The following DCHS2 variants were observed in gnomAD, a reference collection of about 807,000 sequenced individuals.
DCHS2 encodes the protein protocadherin-23.
In DCHS2, 142 loss-of-function variants were observed where a neutral mutation model predicts 182.4. The ratio of observed to expected loss-of-function variants is 0.78; its 90% confidence interval spans 0.68 to 0.89. The LOEUF (loss-of-function observed/expected upper bound fraction) is 0.89. Among genes scored for constraint, DCHS2 ranks in the 40% least tolerant of loss-of-function variants. DCHS2 has a pLI of 0.00. For synonymous variants in DCHS2, 1,740 were observed against 1,663.3 expected (o/e 1.05, Z -1.12); for missense variants, 4,319 against 4,198.6 (o/e 1.03, Z -0.79).
intron 12 of DCHS2, among the ~76,000 whole-genome samples, chr4:154,302,964 C>CAT (rs1204952939): frequency 1.4e-4 from 6 of 43,890 alleles, no homozygotes; most frequent in Non-Finnish European, 2.2e-4. Context: ...CACACACACA[C>CAT]ACACCCACAC....
At chr4:154,378,755 A>T (rs1374045265) in intron 1 of DCHS2, among the ~76,000 whole-genome samples, 1 of 152,186 alleles carries the variant, frequency 6.6e-6, no homozygotes, top group African/African-American at 2.4e-5. Context: ...TACAATTGGC[A>T]GCAGAGGGCA....
At chr4:154,391,331 A>T (rs1215803305) in intron 1 of DCHS2, 2 of 1,556,690 alleles carry the variant, frequency 1.3e-6, no homozygotes, top group Admixed American at 3.9e-5. Context: ...GGGTAGCTTC[A>T]ACTTCATGTC....
At chr4:154,488,263 A>G (rs1728659607) in intron 1 of DCHS2, among the ~76,000 whole-genome samples, 1 of 152,178 alleles carries the variant, frequency 6.6e-6, no homozygotes, top group African/African-American at 2.4e-5. Flanking sequence ...CCATTCTGAT[A>G]GTGAAGGAGA....
At chr4:154,273,110 G>T (rs934296120) in intron 13 of DCHS2, among the ~76,000 whole-genome samples, 4 of 152,056 alleles carry the variant, frequency 2.6e-5, no homozygotes, top group African/African-American at 9.7e-5. Context: ...CTACCCAGAG[G>T]AAAAGAAGTC....
At chr4:154,355,761 A>G (rs1729831754) in intron 3 of DCHS2, 1 of 152,104 alleles carries the variant, frequency 6.6e-6, no homozygotes, top group Non-Finnish European at 1.5e-5. Context: ...CTGTTACTTA[A>G]TAATGTCATA....
intron 3 of DCHS2, among the ~76,000 whole-genome samples, chr4:154,360,065 TTTGA>T (rs1730046444): frequency 6.6e-6 from 1 of 152,090 alleles, no homozygotes; most frequent in Non-Finnish European, 1.5e-5. Flanking sequence ...CTACTGTGTC[TTTGA>T]GTAAGTCACT....
In DCHS2 at chr4:154,340,475, T is replaced by A. The variant is rs192415127; in HGVS notation, c.2477-5371A>T. Among the ~76,000 whole-genome samples the A allele has an allele frequency of 3.6e-3, 555 of 152,342 alleles. 2 individuals carry two copies. The highest frequency in any genetic ancestry group is 5.8e-3 in the Non-Finnish European group (396 of 68,030). ...TGGTACTGAAAAATATTCTCTCTGA[T>A]AGAACTATTTGGTGTCTAATTATAG... On this transcript the variant is annotated intron_variant, in intron 3 of 19. Transcript: ENST00000357232.
chr4:154,254,718 A>T (rs2404891), intron 16 of DCHS2, among the ~76,000 whole-genome samples: 73,289 of 151,860 alleles, frequency 0.48, 19,153 homozygotes, highest in African/African-American at 0.69. Flanking sequence ...GTGGCTGTAA[A>T]CCCAGCCACT....
intron 1 of DCHS2, among the ~76,000 whole-genome samples, chr4:154,442,054 T>G (rs2110957670): frequency 1.3e-5 from 2 of 152,252 alleles, no homozygotes; most frequent in South Asian, 4.2e-4. Flanking sequence ...ACTCATCCCC[T>G]ACTCCAAACA....
chr4:154,467,850 G>T (rs1229815507), intron 1 of DCHS2, among the ~76,000 whole-genome samples: 1 of 152,118 alleles, frequency 6.6e-6, no homozygotes, highest in Non-Finnish European at 1.5e-5. Flanking sequence ...TTTGCAGAAT[G>T]ATATTCAATA....
At chr4:154,377,553 T>G in intron 1 of DCHS2, 109 bp from the exon 2 acceptor site, 1 of 799,880 alleles carries the variant, frequency 1.3e-6, no homozygotes, top group Non-Finnish European at 1.9e-6. Context: ...CCATAGCTAT[T>G]CACAAAGCCT....
At chr4:154,472,819 T>C (rs142489344) in intron 1 of DCHS2, among the ~76,000 whole-genome samples, 1 of 151,972 alleles carries the variant, frequency 6.6e-6, no homozygotes, top group East Asian at 1.9e-4. Context: ...CACATTCACA[T>C]ACACACACAT....
At chr4:154,307,767 G>A (rs1187128065) in intron 10 of DCHS2, among the ~76,000 whole-genome samples, 1 of 152,058 alleles carries the variant, frequency 6.6e-6, no homozygotes, top group Non-Finnish European at 1.5e-5. Context: ...GTTGTATCTG[G>A]CAATCTTTCC....
Position 154,333,085 on chromosome 4 carries a change from C to G in DCHS2, c.3123G>C (p.Leu1041=), listed in dbSNP as rs1186432942. The G allele has an allele frequency of 6.2e-7, 1 of 1,614,068 alleles. No individual in the cohort carries two copies. The change falls in exon 5 of 20, where the codon CTG becomes CTC. Residue 1041 remains leucine (L), a synonymous_variant. Transcript: ENST00000357232. ...TGAGCTCCCGCTGCTCGCCCGCGCC[C>G]AGGCTGCCGTTGAGGAACAGCACCC... is the stretch of plus-strand genomic sequence containing the variant. The part of the protein sequence containing the change: ...ALGVLFLNGS[L]GAGEQRELTL...
At chr4:154,411,637 C>T (rs1732638285) in intron 1 of DCHS2, among the ~76,000 whole-genome samples, 1 of 151,970 alleles carries the variant, frequency 6.6e-6, no homozygotes, top group Non-Finnish European at 1.5e-5. Context: ...GTCAAAAGAC[C>T]TAATCTACAA....
chr4:154,277,108 A>G (rs550043372), intron 13 of DCHS2, among the ~76,000 whole-genome samples: 1 of 152,334 alleles, frequency 6.6e-6, no homozygotes, highest in Admixed American at 6.5e-5. Flanking sequence ...AACCCATAAA[A>G]AAAAGGCCAT....
At chr4:154,426,177 C>T (rs944088502) in intron 1 of DCHS2, among the ~76,000 whole-genome samples, 1 of 152,186 alleles carries the variant, frequency 6.6e-6, no homozygotes, top group African/African-American at 2.4e-5. Context: ...CTTCTACTGG[C>T]CTATTGCCAC....
At chr4:154,239,095 T>A in intron 19 of DCHS2, 75 bp downstream of exon 19, 1 of 1,533,350 alleles carries the variant, frequency 6.5e-7, no homozygotes, top group South Asian at 1.3e-5. Flanking sequence ...TATAGAGGCA[T>A]TTAGAAAGGG....
chr4:154,353,296 A>T (rs1230701710), intron 3 of DCHS2, among the ~76,000 whole-genome samples: 1 of 151,442 alleles, frequency 6.6e-6, no homozygotes, highest in African/African-American at 2.4e-5. Context: ...GCCCACAATT[A>T]AAAAAAAACA....
Sources: allele counts gnomAD v4.1 joint callset (sites outside exome capture counted in the v4.1 genomes callset), GRCh38; gene constraint gnomAD v4.1.1; transcripts MANE v1.5; gene names NCBI Gene and HGNC (gene_info 2026-07-23, HGNC 2026-07-21).